The following SOS1 variants were observed in gnomAD, a reference collection of about 807,000 sequenced individuals.
SOS1 encodes son of sevenless homolog 1.
A neutral mutation model predicts 157.6 loss-of-function variants in SOS1; 25 were observed. That is an observed-to-expected ratio of 0.16 (90% confidence interval 0.12 to 0.22). The LOEUF (loss-of-function observed/expected upper bound fraction) is 0.22. Ranked by LOEUF, SOS1 falls within the 10% of genes least tolerant of loss-of-function variation. The pLI is 1.00. For synonymous variants in SOS1, 528 were observed against 534.0 expected (o/e 0.99, Z 0.16); for missense variants, 1,237 against 1,599.1 (o/e 0.77, Z 3.86).
chr2:39,100,363 T>A (rs1375856720), intron 1 of SOS1, among the ~76,000 whole-genome samples: 1 of 152,212 alleles, frequency 6.6e-6, no homozygotes, highest in Non-Finnish European at 1.5e-5. Flanking sequence ...GCTACTGTGT[T>A]CATTGCAGTA....
At chr2:38,988,929 G>A (rs371782954) in intron 21 of SOS1, among the ~76,000 whole-genome samples, 9 of 135,520 alleles carry the variant, frequency 6.6e-5, no homozygotes, top group African/African-American at 1.4e-4. Flanking sequence ...TCCCATATGC[G>A]CATGCATGCT....
At chr2:39,041,100 C>G (rs1558483619) in intron 6 of SOS1, among the ~76,000 whole-genome samples, 2 of 152,024 alleles carry the variant, frequency 1.3e-5, no homozygotes, top group African/African-American at 4.8e-5. Context: ...ACCTTGTCAC[C>G]CAGGCTGGAG....
At chr2:39,110,549 TAA>T (rs558283271) in intron 1 of SOS1, among the ~76,000 whole-genome samples, 4 of 127,310 alleles carry the variant, frequency 3.1e-5, no homozygotes, top group African/African-American at 2.9e-5. Flanking sequence ...CAAGGAGCAA[TAA>T]AAAAAAAAAA....
chr2:39,051,141 T>C lies in SOS1; in HGVS notation c.864+3A>G, dbSNP rs201119821. 39 of 1,613,426 alleles carry C rather than the reference T, an allele frequency of 2.4e-5. No individual in the cohort carries two copies. The highest frequency in any genetic ancestry group is 3.2e-5 in the Non-Finnish European group (38 of 1,179,452). On this transcript the variant is annotated splice_donor_region_variant and intron_variant, in intron 6 of 22. Coordinates refer to ENST00000402219, the MANE Select transcript of SOS1 (RefSeq NM_005633.4). ...TTTTCGGGTATATAATTGAAGTACT[T>C]ACCTCTGCTAAGTCTTCAAAGCAGC...
chr2:38,999,000 C>G (rs898071758), intron 17 of SOS1, among the ~76,000 whole-genome samples: 1 of 152,170 alleles, frequency 6.6e-6, no homozygotes, highest in African/African-American at 2.4e-5. Flanking sequence ...GCGCTACATA[C>G]TAGGAGGTGC....
chr2:39,105,438 T>C (rs1673132880), intron 1 of SOS1, among the ~76,000 whole-genome samples: 1 of 152,168 alleles, frequency 6.6e-6, no homozygotes, highest in Admixed American at 6.5e-5. Flanking sequence ...TTCTACATAC[T>C]AGGATTGATC....
In SOS1 at chr2:39,045,273, AGTGT is replaced by A. The variant is rs60673777; in HGVS notation, c.864+5867_864+5870del. Among the ~76,000 whole-genome samples, 202 of 108,080 alleles carry A rather than the reference AGTGT, an allele frequency of 1.9e-3. 1 individual carries two copies. Among genetic ancestry groups the A allele is most frequent in the South Asian group, 6.6e-3 (20 of 3,034 alleles). The allele number at this position is 108,080 out of a possible 152,430, so 70.9% of individuals were successfully genotyped here. Reference sequence around the variant, plus strand: ...GAGAGAGAGAGAGAGAGAGAGAGAGAGTGTGTGTGTGTGTGTGTGTGTGTGTGTG... The same window carrying A: ...GAGAGAGAGAGAGAGAGAGAGAGAGAGTGTGTGTGTGTGTGTGTGTGTGTG... On this transcript the variant is annotated intron_variant, in intron 6 of 22. Coordinates refer to ENST00000402219, the MANE Select transcript of SOS1 (RefSeq NM_005633.4).
At chr2:39,114,271 G>GT (rs1673558560) in intron 1 of SOS1, among the ~76,000 whole-genome samples, 1 of 148,236 alleles carries the variant, frequency 6.7e-6, no homozygotes, top group Admixed American at 6.7e-5. Flanking sequence ...AATTTTTTTT[G>GT]TTTTTTGTTT....
At chr2:38,998,352 C>T (rs1668972681) in intron 17 of SOS1, among the ~76,000 whole-genome samples, 2 of 152,054 alleles carry the variant, frequency 1.3e-5, no homozygotes, top group African/African-American at 4.8e-5. Context: ...TGGGTTCAAG[C>T]GATTCTCCTG....
chr2:39,118,158 G>A (rs948074644), intron 1 of SOS1, among the ~76,000 whole-genome samples: 1 of 152,194 alleles, frequency 6.6e-6, no homozygotes, highest in Non-Finnish European at 1.5e-5. Context: ...ACTCAGCCCT[G>A]ATGATTTGAC....
At chr2:39,088,734 T>C (rs1672471825) in intron 1 of SOS1, among the ~76,000 whole-genome samples, 1 of 152,212 alleles carries the variant, frequency 6.6e-6, no homozygotes, top group African/African-American at 2.4e-5. Context: ...GTAACTGACA[T>C]GTGGTTAGTT....
chr2:39,056,101 A>ACCT (rs1178606303), intron 4 of SOS1, among the ~76,000 whole-genome samples: 1 of 152,176 alleles, frequency 6.6e-6, no homozygotes, highest in Non-Finnish European at 1.5e-5. Context: ...TAAATCCGTA[A>ACCT]CCTTACAAAT....
rs1043067902 is a variant in SOS1, at chr2:39,001,018, T to A, written c.2792-3593A>T. On this transcript the variant is annotated intron_variant, in intron 17 of 22. Transcript: ENST00000402219. Reference sequence around the variant, plus strand: ...AAGCCAATGCTAAAGGCTTGGATGTTTGATGACAAACCTGATTAAGGTACA... The same window carrying A: ...AAGCCAATGCTAAAGGCTTGGATGTATGATGACAAACCTGATTAAGGTACA... 3.3e-5 allele frequency among the ~76,000 whole-genome samples: 5 copies of A among 152,230 alleles called. No homozygotes were observed. In the East Asian group the frequency reaches 9.6e-4, roughly 29 times the overall value.
At chr2:39,026,916 G>C (rs1472107621) in intron 8 of SOS1, among the ~76,000 whole-genome samples, 1 of 152,178 alleles carries the variant, frequency 6.6e-6, no homozygotes, top group Non-Finnish European at 1.5e-5. Context: ...TTACAAATTT[G>C]TGTTGGGCCG....
At chr2:39,038,749 G>A (rs569879030) in intron 6 of SOS1, among the ~76,000 whole-genome samples, 282 of 16,198 alleles carry the variant, frequency 0.017, no homozygotes, top group Non-Finnish European at 0.025. Context: ...AAAAAAAAAA[G>A]TCGTTTCTTG....
intron 2 of SOS1, among the ~76,000 whole-genome samples, chr2:39,065,609 T>C (rs1404551736): frequency 6.6e-6 from 1 of 152,212 alleles, no homozygotes; most frequent in Non-Finnish European, 1.5e-5. Flanking sequence ...TACTGAGAAC[T>C]CTAGTACCCT....
At chr2:39,084,026 G>C (rs1250768941) in intron 1 of SOS1, among the ~76,000 whole-genome samples, 2 of 152,084 alleles carry the variant, frequency 1.3e-5, no homozygotes, top group Non-Finnish European at 2.9e-5. Flanking sequence ...GAGAAAATTT[G>C]AACACAGAAG....
chr2:39,061,760 C>G (rs1464535776), intron 2 of SOS1, among the ~76,000 whole-genome samples: 1 of 152,088 alleles, frequency 6.6e-6, no homozygotes. Context: ...TACTATTACT[C>G]TCCTAATTTC....
chr2:39,106,418 G>A (rs1430161707), intron 1 of SOS1, among the ~76,000 whole-genome samples: 1 of 151,226 alleles, frequency 6.6e-6, no homozygotes, highest in African/African-American at 2.4e-5. Context: ...GTGAAACCCC[G>A]TCTCTACTAA....
Sources: allele counts gnomAD v4.1 joint callset (sites outside exome capture counted in the v4.1 genomes callset), GRCh38; gene constraint gnomAD v4.1.1; transcripts MANE v1.5; gene names NCBI Gene and HGNC (gene_info 2026-07-23, HGNC 2026-07-21).